GALNTL6: variants seen among roughly 807,000 people sequenced by gnomAD.
GALNTL6 encodes polypeptide N-acetylgalactosaminyltransferase like 6, also known as polypeptide N-acetylgalactosaminyltransferase-like 6.
GALNTL6 carries 46 observed loss-of-function variants against 73.7 expected under a neutral mutation model. That is an observed-to-expected ratio of 0.62 (90% CI 0.49 to 0.80). GALNTL6 has a LOEUF of 0.80. GALNTL6 is among the 30% of genes least tolerant of loss of function. The pLI is 0.00. For missense variants in GALNTL6, 604 were observed against 755.0 expected (o/e 0.80, Z 2.34); for synonymous variants, 259 against 263.7 (o/e 0.98, Z 0.17).
chr4:172,625,232 C>T (rs958320064), intron 5 of GALNTL6, among the ~76,000 whole-genome samples: 3 of 151,976 alleles, frequency 2.0e-5, no homozygotes, highest in Non-Finnish European at 4.4e-5. Context: ...TTCTCATTAT[C>T]TACTGTTCCC....
At chr4:171,915,129 C>A (rs150138476) in intron 2 of GALNTL6, among the ~76,000 whole-genome samples, 2 of 152,060 alleles carry the variant, frequency 1.3e-5, no homozygotes, top group East Asian at 1.9e-4. Flanking sequence ...AAATAAATTT[C>A]CTATAAAAAT....
intron 5 of GALNTL6, among the ~76,000 whole-genome samples, chr4:172,454,585 G>T (rs1054158852): frequency 6.6e-6 from 1 of 152,204 alleles, no homozygotes; most frequent in Admixed American, 6.5e-5. Flanking sequence ...AATTCTACTA[G>T]TTATGGAAAG....
At chr4:172,785,597 A>G (rs1380043175) in intron 5 of GALNTL6, among the ~76,000 whole-genome samples, 5 of 152,152 alleles carry the variant, frequency 3.3e-5, no homozygotes, top group Admixed American at 6.5e-5. Context: ...AAAGAGAATA[A>G]TCACAAATAA....
At chr4:172,492,139 C>T (rs991592199) in intron 5 of GALNTL6, among the ~76,000 whole-genome samples, 3 of 152,192 alleles carry the variant, frequency 2.0e-5, no homozygotes, top group South Asian at 2.1e-4. Flanking sequence ...GAAAAAATTG[C>T]GTATTATTTT....
At chr4:172,195,608 C>A (rs183944003) in intron 2 of GALNTL6, among the ~76,000 whole-genome samples, 1 of 152,116 alleles carries the variant, frequency 6.6e-6, no homozygotes, top group Non-Finnish European at 1.5e-5. Flanking sequence ...AAAGCACAAT[C>A]AAATTAAAAC....
Position 173,041,553 on chromosome 4 carries a change from T to C in GALNTL6, c.*1453T>C, listed in dbSNP as rs969578916. ...TGGTTTTCCTGTTAATAAAAATTTA[T>C]ATAACATCTTGGATCTAGAGCATTA... On this transcript the variant is annotated 3_prime_UTR_variant, in exon 13 of 13. Transcript: ENST00000506823. The C allele has an allele frequency of 2.6e-5, 4 of 152,202 alleles. No homozygotes were observed. The highest frequency in any genetic ancestry group is 2.0e-4 in the Admixed American group (3 of 15,278). The allele number at this position is 152,202 out of a possible 1,614,324, so 9.4% of individuals were successfully genotyped here.
At chr4:172,168,496 T>C (rs1392341030) in intron 2 of GALNTL6, among the ~76,000 whole-genome samples, 1 of 152,164 alleles carries the variant, frequency 6.6e-6, no homozygotes, top group Non-Finnish European at 1.5e-5. Context: ...ATGATGATGG[T>C]GCTGGTGGTG....
chr4:171,973,980 C>G (rs1482205369), intron 2 of GALNTL6, among the ~76,000 whole-genome samples: 2 of 151,728 alleles, frequency 1.3e-5, no homozygotes, highest in African/African-American at 4.8e-5. Context: ...TTTGTTTTTG[C>G]AATTTTTTTG....
chr4:172,863,503 T>A (rs1157825561), intron 7 of GALNTL6, among the ~76,000 whole-genome samples: 1 of 152,184 alleles, frequency 6.6e-6, no homozygotes, highest in Non-Finnish European at 1.5e-5. Flanking sequence ...AAGATTTGAC[T>A]GCCCCACTGG....
intron 12 of GALNTL6, among the ~76,000 whole-genome samples, chr4:173,024,169 A>G (rs1179248375): frequency 6.6e-6 from 1 of 152,214 alleles, no homozygotes. Context: ...CAGTGGTTTC[A>G]AGGGGAAACT....
intron 5 of GALNTL6, among the ~76,000 whole-genome samples, chr4:172,431,613 T>G (rs1731454884): frequency 6.6e-6 from 1 of 152,156 alleles, no homozygotes; most frequent in Non-Finnish European, 1.5e-5. Flanking sequence ...GACTAATGTT[T>G]AGAATGTGAA....
chr4:171,876,282 CA>C (rs1736276106), intron 2 of GALNTL6, among the ~76,000 whole-genome samples: 1 of 152,044 alleles, frequency 6.6e-6, no homozygotes, highest in Non-Finnish European at 1.5e-5. Flanking sequence ...AATTGCGTAC[CA>C]ATTCTTAATT....
intron 3 of GALNTL6, among the ~76,000 whole-genome samples, chr4:172,308,003 C>CTTTTTTATTTTTTT (rs1740206769): frequency 2.9e-5 from 1 of 34,586 alleles, no homozygotes; most frequent in Non-Finnish European, 5.0e-5. Flanking sequence ...TGTGTTTTAA[C>CTTTTTTATTTTTTT]TTTTTTTTTT....
At chr4:172,758,742 C>T (rs529623415) in intron 5 of GALNTL6, among the ~76,000 whole-genome samples, 1 of 152,100 alleles carries the variant, frequency 6.6e-6, no homozygotes, top group African/African-American at 2.4e-5. Context: ...TTTGTCCTAC[C>T]CAGGACATGA....
Position 172,433,119 on chromosome 4 carries a change from G to T in GALNTL6, c.553+84430G>T, listed in dbSNP as rs114423891. ...GTTATGATGTGTGTGTTTAAGAATA[G>T]AGAATCACAGATTATTTCAGGGTCA... On this transcript the variant is annotated intron_variant, in intron 5 of 12. Coordinates refer to ENST00000506823, the MANE Select transcript of GALNTL6 (RefSeq NM_001034845.3). 2.5e-3 allele frequency among the ~76,000 whole-genome samples: 382 copies of T among 152,254 alleles called. 1 individual carries two copies. The highest frequency in any genetic ancestry group is 4.3e-3 in the Non-Finnish European group (290 of 68,018).
chr4:172,578,515 G>A (rs1025762888), intron 5 of GALNTL6, among the ~76,000 whole-genome samples: 4 of 152,210 alleles, frequency 2.6e-5, no homozygotes, highest in Admixed American at 2.6e-4. Flanking sequence ...GAAGAGGAAT[G>A]TCTCCAGAAA....
Position 172,640,145 on chromosome 4 carries a change from T to TA in GALNTL6, c.554-169212dup, listed in dbSNP as rs1243796922. On this transcript the variant is annotated intron_variant, in intron 5 of 12. Transcript: ENST00000506823. Reference sequence around the variant, plus strand: ...CTATTGTTCACTGAAACTGATCTTATAAAAGTCATCAAAAAACCATTACAT... The same window carrying TA: ...CTATTGTTCACTGAAACTGATCTTATAAAAAGTCATCAAAAAACCATTACAT... 2.0e-5 allele frequency among the ~76,000 whole-genome samples: 3 copies of TA among 152,282 alleles called. No individual in the cohort carries two copies. The East Asian group carries it at 5.8e-4, about 29-fold the overall frequency.
At chr4:173,013,178 C>T (rs1418782630) in intron 11 of GALNTL6, among the ~76,000 whole-genome samples, 1 of 152,148 alleles carries the variant, frequency 6.6e-6, no homozygotes, top group Non-Finnish European at 1.5e-5. Flanking sequence ...GGACTGTTAA[C>T]TCCAACAAGC....
intron 2 of GALNTL6, among the ~76,000 whole-genome samples, chr4:171,893,607 T>C (rs7667443): frequency 0.036 from 5,521 of 152,240 alleles, 312 homozygotes; most frequent in African/African-American, 0.12. Flanking sequence ...GTAATATTAT[T>C]GAATATTAGA....
Sources: gnomAD v4.1 joint callset for allele counts (sites outside exome capture counted in the v4.1 genomes callset) on GRCh38, gnomAD v4.1.1 for gene constraint, MANE v1.5 for transcripts, NCBI Gene and HGNC (gene_info 2026-07-23, HGNC 2026-07-21) for gene names.